SDK2: variants seen among roughly 807,000 people sequenced by gnomAD.
The protein encoded by SDK2 is protein sidekick-2.
SDK2 carries 105 observed loss-of-function variants against 253.9 expected under a neutral mutation model. The observed-to-expected ratio is 0.41, with a 90% CI of 0.35 to 0.49. The LOEUF (loss-of-function observed/expected upper bound fraction) is 0.49, where lower values mean the gene tolerates loss of function less well. Among genes scored for constraint, SDK2 ranks in the 20% least tolerant of loss-of-function variants. The pLI is 0.06. For missense variants in SDK2, 2,608 were observed against 3,003.0 expected (o/e 0.87, Z 3.07); for synonymous variants, 1,249 against 1,234.9 (o/e 1.01, Z -0.24).
chr17:73,641,185 G>A (rs1334084899), intron 1 of SDK2: 2 of 152,228 alleles, frequency 1.3e-5, no homozygotes, highest in Non-Finnish European at 2.9e-5. Context: ...ATTCTTCATG[G>A]ACTTCTAGCT....
intron 39 of SDK2, among the ~76,000 whole-genome samples, chr17:73,359,210 G>A (rs908414312): frequency 6.6e-6 from 1 of 152,036 alleles, no homozygotes; most frequent in Non-Finnish European, 1.5e-5. Flanking sequence ...TCTCTGTGGA[G>A]CAGAGTCTAG....
intron 1 of SDK2, among the ~76,000 whole-genome samples, chr17:73,537,178 T>C (rs2044789396): frequency 6.6e-6 from 1 of 152,156 alleles, no homozygotes; most frequent in Non-Finnish European, 1.5e-5. Context: ...CAGATATTAA[T>C]CCCTTTCTAT....
intron 1 of SDK2, among the ~76,000 whole-genome samples, chr17:73,603,248 T>G (rs2045865096): frequency 6.6e-6 from 1 of 152,034 alleles, no homozygotes. Context: ...CCCTACTTGG[T>G]GGAGAGTGAG....
chr17:73,543,774 C>G (rs553242883), intron 1 of SDK2, among the ~76,000 whole-genome samples: 2 of 152,380 alleles, frequency 1.3e-5, no homozygotes, highest in East Asian at 3.9e-4. Flanking sequence ...CAGGCCCGCC[C>G]TCCAGGAATC....
Position 73,361,099 on chromosome 17 carries a change from C to T in SDK2, c.5467+585G>A, listed in dbSNP as rs1057458804. Among the ~76,000 whole-genome samples, 4 of 152,060 alleles carry T rather than the reference C, an allele frequency of 2.6e-5. No homozygotes were observed. In the East Asian group the frequency reaches 5.8e-4, roughly 22 times the overall value. On this transcript the variant is annotated intron_variant, in intron 39 of 44. Transcript: ENST00000392650. This position sits in a 1 kb window ranked among gnomAD's most constrained non-coding sequence, Gnocchi z 4.1. ...CAGGGCCCTGGCTGTGAATAGGTGA[C>T]CTGCTCCATCAGGTGTTTCTCAAGG...
intron 1 of SDK2, among the ~76,000 whole-genome samples, chr17:73,581,610 G>A (rs371186037): frequency 2.6e-5 from 4 of 152,232 alleles, no homozygotes; most frequent in African/African-American, 7.2e-5. Context: ...GTTGGTGCTC[G>A]CTGGACCAGC....
rs368856491 is a variant in SDK2 at position 73,376,192 on chromosome 17, CAAA to C, written c.4980+2982_4980+2984del. ...CTGGCGGCAGAGCAAGACTCCGTGTCAAAAAAAAAAAAAAAAATTCAAACCTCC... is the reference window on the plus strand; with the variant it reads ...CTGGCGGCAGAGCAAGACTCCGTGTCAAAAAAAAAAAAAATTCAAACCTCC... On this transcript the variant is annotated intron_variant, in intron 36 of 44. Transcript: ENST00000392650. Among the ~76,000 whole-genome samples the C allele has an allele frequency of 1.0e-4, 13 of 128,402 alleles. No individual in the cohort carries two copies. In the East Asian group the frequency reaches 1.1e-3, roughly 10 times the overall value. The allele number at this position is 128,402 out of a possible 152,430, so 84.2% of individuals were successfully genotyped here.
At chr17:73,428,862 T>C (rs1383320391) in intron 12 of SDK2, among the ~76,000 whole-genome samples, 1 of 151,980 alleles carries the variant, frequency 6.6e-6, no homozygotes, top group Non-Finnish European at 1.5e-5. Flanking sequence ...ATGATTCTGC[T>C]CCCCAGAATC....
Position 73,390,271 on chromosome 17 carries a change from C to G in SDK2, c.4192+16G>C. ...CAGCTGCCCCCAAGCCTTCCCTGGC[C>G]CCCGTGGGCAGTCACCTCTCTTCTC... On this transcript the variant is annotated intron_variant, in intron 29 of 44. Coordinates refer to ENST00000392650, the MANE Select transcript of SDK2 (RefSeq NM_001144952.2). 6.5e-7 allele frequency: 1 copy of G among 1,548,686 alleles called. No homozygotes were observed. Among genetic ancestry groups the G allele is most frequent in the Non-Finnish European group, 8.7e-7 (1 of 1,151,242 alleles).
intron 3 of SDK2, among the ~76,000 whole-genome samples, chr17:73,469,540 T>C (rs988044101): frequency 6.6e-6 from 1 of 152,224 alleles, no homozygotes; most frequent in African/African-American, 2.4e-5. Flanking sequence ...CCTTTGCCCA[T>C]GATCAGTGCA....
At chr17:73,513,408 A>AT (rs769700366) in intron 1 of SDK2, among the ~76,000 whole-genome samples, 2 of 152,102 alleles carry the variant, frequency 1.3e-5, no homozygotes, top group African/African-American at 2.4e-5. Context: ...ATAAGATACC[A>AT]TTTTTTCCCT....
chr17:73,362,304 G>A (rs2062648265), intron 38 of SDK2, among the ~76,000 whole-genome samples: 1 of 152,044 alleles, frequency 6.6e-6, no homozygotes, highest in African/African-American at 2.4e-5. Flanking sequence ...GAGTTGCGGG[G>A]ACACACTTTT....
At chr17:73,344,023 T>C (rs1002810668) in intron 44 of SDK2, among the ~76,000 whole-genome samples, 5 of 152,124 alleles carry the variant, frequency 3.3e-5, no homozygotes, top group South Asian at 2.1e-4. Flanking sequence ...GCCTGTCCCC[T>C]GGATGCCTCT....
At chr17:73,508,293 C>T (rs923754346) in intron 1 of SDK2, among the ~76,000 whole-genome samples, 37 of 152,372 alleles carry the variant, frequency 2.4e-4, no homozygotes, top group Middle Eastern at 3.4e-3. Context: ...CGCAGACCTC[C>T]CTGCCCCGCC....
chr17:73,455,822 C>T lies in SDK2; in HGVS notation c.479+84G>A, dbSNP rs2063521629. ...GCTTCTGCACAAAGGCCCTCCTCCA[C>T]ACTCAAGGGAGACTTTATCTGGCCC... On this transcript the variant is annotated intron_variant, in intron 4 of 44. Transcript: ENST00000392650. This position sits in a 1 kb window ranked among gnomAD's most constrained non-coding sequence, Gnocchi z 5.0. The T allele has an allele frequency of 6.3e-6, 9 of 1,419,624 alleles. No individual in the cohort carries two copies. Among genetic ancestry groups the T allele is most frequent in the Non-Finnish European group, 8.4e-6 (9 of 1,071,406 alleles). The allele number at this position is 1,419,624 out of a possible 1,614,324, so 87.9% of individuals were successfully genotyped here.
At position 73,384,508 on chromosome 17, in the gene SDK2, C is replaced by T. The variant is rs1413274837; in HGVS notation, c.4570-497G>A. 2.6e-5 allele frequency among the ~76,000 whole-genome samples: 4 copies of T among 152,336 alleles called. No individual in the cohort carries two copies. In the East Asian group the frequency reaches 5.8e-4, roughly 22 times the overall value. On this transcript the variant is annotated intron_variant, in intron 32 of 44. Transcript: ENST00000392650. ...TGCAAGGGTGAGTGTGCCCCTCACCCCTTCATCAAGTTCTCCTTTGCTTCC... is the reference window on the plus strand; with the variant it reads ...TGCAAGGGTGAGTGTGCCCCTCACCTCTTCATCAAGTTCTCCTTTGCTTCC...
At chr17:73,627,438 G>T (rs973303392) in intron 1 of SDK2, among the ~76,000 whole-genome samples, 1 of 152,238 alleles carries the variant, frequency 6.6e-6, no homozygotes, top group African/African-American at 2.4e-5. Flanking sequence ...TTCCATGTGA[G>T]TTGAGTCCTG....
intron 38 of SDK2, among the ~76,000 whole-genome samples, chr17:73,362,270 T>C (rs1166776548): frequency 6.6e-6 from 1 of 152,104 alleles, no homozygotes; most frequent in Non-Finnish European, 1.5e-5. Flanking sequence ...CAGGAAGTGC[T>C]TCCATAAAAA....
intron 4 of SDK2, among the ~76,000 whole-genome samples, chr17:73,453,911 A>G (rs905923854): frequency 1.3e-5 from 2 of 152,230 alleles, no homozygotes; most frequent in Non-Finnish European, 2.9e-5. Flanking sequence ...CACATATATG[A>G]TGCTGGTTCT....
Sources: allele counts gnomAD v4.1 joint callset (sites outside exome capture counted in the v4.1 genomes callset), GRCh38; gene constraint gnomAD v4.1.1; non-coding constraint Gnocchi (gnomAD v3.1); transcripts MANE v1.5; gene names NCBI Gene and HGNC (gene_info 2026-07-23, HGNC 2026-07-21).